The following ADAM12 variants were observed in gnomAD, a reference collection of about 807,000 sequenced individuals.
ADAM12 encodes disintegrin and metalloproteinase domain-containing protein 12.
A neutral mutation model predicts 106.4 loss-of-function variants in ADAM12; 70 were observed. The observed-to-expected ratio is 0.66, with a 90% CI of 0.54 to 0.80. ADAM12 has a LOEUF of 0.80. Among genes scored for constraint, ADAM12 ranks in the 30% least tolerant of loss-of-function variants. ADAM12 has a pLI of 0.00. For synonymous variants in ADAM12, 420 were observed against 433.5 expected, an observed-to-expected ratio of 0.97 and a Z score of 0.39; for missense variants, 1,010 against 1,171.9, an observed-to-expected ratio of 0.86 and a Z score of 2.02.
chr10:126,337,175 TG>T (rs1854731734), intron 1 of ADAM12, among the ~76,000 whole-genome samples: 1 of 152,206 alleles, frequency 6.6e-6, no homozygotes, highest in Non-Finnish European at 1.5e-5. Flanking sequence ...GTAGTGGCTC[TG>T]TCAAAGCCCG....
intron 14 of ADAM12, among the ~76,000 whole-genome samples, chr10:126,057,876 C>T (rs1954666229): frequency 1.3e-5 from 2 of 152,234 alleles, no homozygotes; most frequent in South Asian, 2.1e-4. Flanking sequence ...GGAACGAGAA[C>T]ATTTTCCCCA....
rs139026512 is a variant in ADAM12 at position 126,202,499 on chromosome 10, T to TTC, written c.261-47196_261-47195dup. On this transcript the variant is annotated intron_variant, in intron 3 of 22. Coordinates refer to ENST00000448723, the MANE Select transcript of ADAM12 (RefSeq NM_001288973.2). ...GAAAAACCCCAAAATGCTCTACTAC[T>TTC]TCTCTCTCTCTCTCTCTCTCTCTTT... Among the ~76,000 whole-genome samples, 1,094 of 149,528 alleles carry TTC rather than the reference T, an allele frequency of 7.3e-3. 6 individuals are homozygous for TTC. Among genetic ancestry groups the TTC allele is most frequent in the African/African-American group, 0.012 (490 of 40,954 alleles).
intron 1 of ADAM12, among the ~76,000 whole-genome samples, chr10:126,358,846 T>A (rs1855641045): frequency 6.6e-6 from 1 of 152,114 alleles, no homozygotes. Flanking sequence ...TTCTATATAC[T>A]AAAAAGAGAC....
At chr10:126,042,186 C>G (rs1020478404) in intron 18 of ADAM12, 1 of 1,613,714 alleles carries the variant, frequency 6.2e-7, no homozygotes, top group Non-Finnish European at 8.5e-7. Context: ...CCACGGGCTC[C>G]TGGCCCTGGC....
At chr10:126,223,517 C>G (rs531972944) in intron 3 of ADAM12, among the ~76,000 whole-genome samples, 3 of 152,258 alleles carry the variant, frequency 2.0e-5, no homozygotes, top group African/African-American at 7.2e-5. Flanking sequence ...TAATAGGCAT[C>G]TATATAAAAT....
At chr10:126,332,496 C>A (rs894493624) in intron 1 of ADAM12, among the ~76,000 whole-genome samples, 21 of 152,298 alleles carry the variant, frequency 1.4e-4, no homozygotes, top group Middle Eastern at 6.8e-3. Flanking sequence ...AAAACTGCAA[C>A]CTTCTTGTCA....
At chr10:126,245,601 G>A (rs750323947) in intron 3 of ADAM12, among the ~76,000 whole-genome samples, 11 of 152,112 alleles carry the variant, frequency 7.2e-5, no homozygotes, top group Non-Finnish European at 1.2e-4. Flanking sequence ...CAGACCCCAG[G>A]GCCAAGGACC....
chr10:126,160,677 A>C (rs903023812), intron 3 of ADAM12, among the ~76,000 whole-genome samples: 3 of 152,158 alleles, frequency 2.0e-5, no homozygotes, highest in African/African-American at 7.2e-5. Context: ...CTTGGAGATC[A>C]TGCTGCTGTC....
intron 11 of ADAM12, among the ~76,000 whole-genome samples, chr10:126,093,123 AT>A (rs1419052521): frequency 1.3e-5 from 2 of 152,182 alleles, no homozygotes; most frequent in Non-Finnish European, 2.9e-5. Context: ...GGAATGTTCC[AT>A]GAAAGTCAGT....
At chr10:126,185,775 A>G (rs181611284) in intron 3 of ADAM12, among the ~76,000 whole-genome samples, 57 of 152,200 alleles carry the variant, frequency 3.7e-4, no homozygotes, top group African/African-American at 1.3e-3. Context: ...GCCCAATGCA[A>G]GCAATAATTT....
intron 4 of ADAM12, among the ~76,000 whole-genome samples, chr10:126,153,596 GT>G: frequency 6.6e-6 from 1 of 152,032 alleles, no homozygotes; most frequent in African/African-American, 2.4e-5. Context: ...TATCTCTTAT[GT>G]TCTCAGAAGT....
intron 6 of ADAM12, among the ~76,000 whole-genome samples, chr10:126,112,224 G>T (rs1955882504): frequency 1.3e-5 from 2 of 152,152 alleles, no homozygotes; most frequent in African/African-American, 4.8e-5. Context: ...GGCCTGTTGA[G>T]GGGTGGGGGA....
chr10:126,090,557 G>A (rs998772483), intron 11 of ADAM12, among the ~76,000 whole-genome samples: 2 of 152,170 alleles, frequency 1.3e-5, no homozygotes, highest in African/African-American at 4.8e-5. Flanking sequence ...TGAATCCCCA[G>A]ATACTGCTTT....
chr10:126,321,862 G>A (rs1854106273), intron 2 of ADAM12, among the ~76,000 whole-genome samples: 1 of 145,666 alleles, frequency 6.9e-6, no homozygotes, highest in South Asian at 2.2e-4. Flanking sequence ...GACAGGCCTT[G>A]GCCCAGATGC....
chr10:126,158,285 C>T (rs1956856429), intron 3 of ADAM12, among the ~76,000 whole-genome samples: 1 of 149,752 alleles, frequency 6.7e-6, no homozygotes, highest in Middle Eastern at 3.5e-3. Context: ...ATGCACAGAG[C>T]ACCGGGAGAG....
intron 19 of ADAM12, among the ~76,000 whole-genome samples, chr10:126,039,069 C>T (rs1331291695): frequency 6.7e-6 from 1 of 148,182 alleles, no homozygotes; most frequent in African/African-American, 2.5e-5. Context: ...ACGCCATTCT[C>T]ATGCCTCAGC....
intron 3 of ADAM12, among the ~76,000 whole-genome samples, chr10:126,161,150 T>G (rs538593708): frequency 3.4e-4 from 52 of 152,266 alleles, no homozygotes; most frequent in African/African-American, 1.2e-3. Flanking sequence ...ACAGGAGGGC[T>G]CCTTGGTCAT....
rs1590506062 is a variant in ADAM12, at chr10:126,149,795, G to A, written c.339+5432C>T. On this transcript the variant is annotated intron_variant, in intron 4 of 22. Coordinates refer to ENST00000448723, the MANE Select transcript of ADAM12 (RefSeq NM_001288973.2). The stretch of plus-strand genomic sequence containing the variant: ...CTCGGGCCTTCAGCCACAGACTGAA[G>A]GCTGCACCATCGGCTTCCCTACTTT... Among the ~76,000 whole-genome samples the A allele has an allele frequency of 2.0e-5, 3 of 152,312 alleles. 1 individual carries two copies. Among genetic ancestry groups the A allele is most frequent in the African/African-American group, 7.2e-5 (3 of 41,572 alleles).
At chr10:126,367,084 G>A (rs997133225) in intron 1 of ADAM12, among the ~76,000 whole-genome samples, 1 of 151,856 alleles carries the variant, frequency 6.6e-6, no homozygotes, top group Non-Finnish European at 1.5e-5. Flanking sequence ...TGCTATTTAC[G>A]GGACATTACC....
Sources: allele counts gnomAD v4.1 joint callset (sites outside exome capture counted in the v4.1 genomes callset), GRCh38; gene constraint gnomAD v4.1.1; transcripts MANE v1.5; gene names NCBI Gene and HGNC (gene_info 2026-07-23, HGNC 2026-07-21).